The following SNX29 variants were observed in gnomAD, a reference collection of about 807,000 sequenced individuals.
SNX29 encodes the protein sorting nexin 29.
A neutral mutation model predicts 102.1 loss-of-function variants in SNX29; 78 were observed. That is an observed-to-expected ratio of 0.76 (90% CI 0.64 to 0.92). The LOEUF (loss-of-function observed/expected upper bound fraction) is 0.92. SNX29 is among the 40% of genes least tolerant of loss of function. The pLI is 0.00. For synonymous variants in SNX29, 580 were observed against 414.5 expected, an observed-to-expected ratio of 1.40 and a Z score of -4.85; for missense variants, 1,280 against 1,061.7, an observed-to-expected ratio of 1.21 and a Z score of -2.86.
intron 15 of SNX29, among the ~76,000 whole-genome samples, chr16:12,312,565 G>A (rs370171038): frequency 2.6e-5 from 4 of 152,034 alleles, no homozygotes; most frequent in African/African-American, 9.7e-5. Context: ...GAGGTGAGGC[G>A]TGAGGGCAGG....
chr16:12,470,446 C>G (rs373431258), intron 18 of SNX29, among the ~76,000 whole-genome samples: 4 of 152,214 alleles, frequency 2.6e-5, no homozygotes, highest in East Asian at 3.9e-4. Flanking sequence ...AAATAGCACT[C>G]TTGCCCGGGA....
At chr16:12,365,284 T>C (rs770243520) in intron 16 of SNX29, among the ~76,000 whole-genome samples, 2 of 151,994 alleles carry the variant, frequency 1.3e-5, no homozygotes, top group African/African-American at 4.8e-5. Context: ...GAAGTGAATC[T>C]CTCCCTTTCT....
intron 13 of SNX29, among the ~76,000 whole-genome samples, chr16:12,170,225 C>T (rs1013531846): frequency 6.6e-5 from 10 of 151,882 alleles, no homozygotes; most frequent in East Asian, 3.9e-4. Flanking sequence ...GATCCTGTGG[C>T]GGAGGAGCCA....
chr16:12,356,308 G>A (rs894646965), intron 16 of SNX29, 29 bp downstream of exon 16: 1 of 1,552,442 alleles, frequency 6.4e-7, no homozygotes, highest in East Asian at 2.4e-5. Flanking sequence ...CTGTGTGTCT[G>A]TCAAGCCTCT....
At chr16:12,538,075 C>G (rs995611112) in intron 20 of SNX29, among the ~76,000 whole-genome samples, 2 of 151,064 alleles carry the variant, frequency 1.3e-5, no homozygotes, top group Admixed American at 6.6e-5. Flanking sequence ...CAGCTTTCTT[C>G]TCAGTGGGCT....
rs139473458 is a variant in SNX29, at chr16:12,167,027, A to G, written c.1596-32574A>G. On this transcript the variant is annotated intron_variant, in intron 13 of 20. Transcript: ENST00000566228. ...TGGGGACTTTCTGTTACAGTCTTCCACATGGCCCATTTGCTCAATGCATGT... is the reference window on the plus strand; with the variant it reads ...TGGGGACTTTCTGTTACAGTCTTCCGCATGGCCCATTTGCTCAATGCATGT... Among the ~76,000 whole-genome samples the G allele has an allele frequency of 1.4e-3, 211 of 152,338 alleles. 1 individual carries two copies. Among genetic ancestry groups the G allele is most frequent in the African/African-American group, 4.8e-3 (201 of 41,582 alleles).
At chr16:11,995,300 A>G (rs1221939350) in intron 1 of SNX29, among the ~76,000 whole-genome samples, 1 of 152,058 alleles carries the variant, frequency 6.6e-6, no homozygotes, top group Non-Finnish European at 1.5e-5. Context: ...TCCTGACCTC[A>G]TGTGATCCGT....
chr16:12,566,651 A>AC (rs2079023622), intron 20 of SNX29, among the ~76,000 whole-genome samples: 1 of 152,182 alleles, frequency 6.6e-6, no homozygotes, highest in Non-Finnish European at 1.5e-5. Context: ...GCATCTTTGA[A>AC]CCATCCTCTA....
intron 20 of SNX29, among the ~76,000 whole-genome samples, chr16:12,535,194 A>C (rs1164016609): frequency 6.6e-6 from 1 of 152,164 alleles, no homozygotes; most frequent in Non-Finnish European, 1.5e-5. Context: ...GCTGGAGTGC[A>C]GTGGTGTGAT....
At chr16:12,256,349 G>A (rs1402181467) in intron 14 of SNX29, among the ~76,000 whole-genome samples, 1 of 152,134 alleles carries the variant, frequency 6.6e-6, no homozygotes, top group Non-Finnish European at 1.5e-5. Flanking sequence ...GGTTTCCTGA[G>A]AATTTTTGTT....
chr16:12,561,914 G>C (rs186794505), intron 20 of SNX29, among the ~76,000 whole-genome samples: 546 of 152,286 alleles, frequency 3.6e-3, no homozygotes, highest in Non-Finnish European at 6.1e-3. Context: ...TCCTTCTCCA[G>C]TTGCCTTCCA....
chr16:12,164,387 A>C (rs1052361706), intron 13 of SNX29, among the ~76,000 whole-genome samples: 4 of 152,208 alleles, frequency 2.6e-5, no homozygotes, highest in African/African-American at 9.7e-5. Context: ...GAATGACTGT[A>C]ATAAGGATTT....
At chr16:12,313,541 G>A (rs1448733965) in intron 15 of SNX29, among the ~76,000 whole-genome samples, 1 of 152,218 alleles carries the variant, frequency 6.6e-6, no homozygotes, top group African/African-American at 2.4e-5. Flanking sequence ...AGTATGAACT[G>A]GGGCAGCCTC....
chr16:12,122,157 C>T (rs190129604), intron 11 of SNX29, among the ~76,000 whole-genome samples: 11 of 152,264 alleles, frequency 7.2e-5, no homozygotes, highest in South Asian at 4.1e-4. Context: ...ACTTGGCTTT[C>T]GGCAAGTCAC....
chr16:12,264,520 G>A (rs572953388), intron 14 of SNX29, among the ~76,000 whole-genome samples: 9 of 152,328 alleles, frequency 5.9e-5, no homozygotes, highest in African/African-American at 1.9e-4. Flanking sequence ...TGTGGCTCAC[G>A]TTTGTAATCC....
At chr16:12,488,841 C>T (rs1335958950) in intron 19 of SNX29, among the ~76,000 whole-genome samples, 2 of 152,190 alleles carry the variant, frequency 1.3e-5, no homozygotes, top group Non-Finnish European at 2.9e-5. Context: ...AGTGAACCCA[C>T]CAGAATTGGC....
intron 7 of SNX29, among the ~76,000 whole-genome samples, chr16:12,050,641 T>C (rs1221047657): frequency 6.6e-6 from 1 of 152,134 alleles, no homozygotes; most frequent in African/African-American, 2.4e-5. Context: ...TCAGGGCCAC[T>C]GTCCAGGAAA....
chr16:12,288,423 C>T (rs942336101), intron 15 of SNX29, among the ~76,000 whole-genome samples: 2 of 152,134 alleles, frequency 1.3e-5, no homozygotes, highest in Non-Finnish European at 2.9e-5. Flanking sequence ...GCAAAACTGC[C>T]CTGAGCTGCC....
At chr16:11,994,912 A>G (rs1348188603) in intron 1 of SNX29, among the ~76,000 whole-genome samples, 1 of 152,102 alleles carries the variant, frequency 6.6e-6, no homozygotes, top group Non-Finnish European at 1.5e-5. Context: ...CAGACAAGGG[A>G]AGTGACTGTC....
Sources: allele counts gnomAD v4.1 joint callset (sites outside exome capture counted in the v4.1 genomes callset), GRCh38; gene constraint gnomAD v4.1.1; transcripts MANE v1.5; gene names NCBI Gene and HGNC (gene_info 2026-07-23, HGNC 2026-07-21).